LGR4: variants seen among roughly 807,000 people sequenced by gnomAD.
The protein encoded by LGR4 is leucine rich repeat containing G protein-coupled receptor 4.
A neutral mutation model predicts 84.8 loss-of-function variants in LGR4; 44 were observed. The ratio of observed to expected loss-of-function variants is 0.52; its 90% confidence interval spans 0.41 to 0.67. The LOEUF (loss-of-function observed/expected upper bound fraction) is 0.67. Ranked by LOEUF, LGR4 falls within the 30% of genes least tolerant of loss-of-function variation. The pLI, the probability that LGR4 is intolerant of heterozygous loss-of-function variation, is 0.00. For synonymous variants in LGR4, 429 were observed against 434.3 expected (o/e 0.99, Z 0.15); for missense variants, 1,032 against 1,131.4 (o/e 0.91, Z 1.26).
At chr11:27,381,380 C>T (rs1297720856) in intron 7 of LGR4, among the ~76,000 whole-genome samples, 1 of 152,194 alleles carries the variant, frequency 6.6e-6, no homozygotes. Context: ...TAACTCTACC[C>T]ATGACAAACC....
intron 5 of LGR4, 31 bp downstream of exon 5, chr11:27,385,222 A>G: frequency 7.1e-7 from 1 of 1,410,668 alleles, no homozygotes; most frequent in Non-Finnish European, 9.6e-7. Flanking sequence ...ATTAACACAA[A>G]TATATGGAAT....
In LGR4 at chr11:27,366,399, C is replaced by T. The variant is rs973246940; in HGVS notation, c.*1468G>A. 6.6e-6 allele frequency: 1 copy of T among 152,546 alleles called. No individual in the cohort carries two copies. The highest frequency in any genetic ancestry group is 1.5e-5 in the Non-Finnish European group (1 of 67,978). The allele number at this position is 152,546 out of a possible 1,614,324, so 9.4% of individuals were successfully genotyped here. ...GCAGCCACTATAGTTTAGGAGGTAG[C>T]TTTAATTAAACGAAATGAACAGAAG... On this transcript the variant is annotated 3_prime_UTR_variant, in exon 18 of 18. Transcript: ENST00000379214.
At chr11:27,404,706 C>G (rs1052792254) in intron 2 of LGR4, among the ~76,000 whole-genome samples, 18 of 152,270 alleles carry the variant, frequency 1.2e-4, no homozygotes, top group African/African-American at 4.3e-4. Flanking sequence ...TCTGGCCAAT[C>G]AGGATCCCCC....
At chr11:27,456,038 A>C (rs1479816576) in intron 1 of LGR4, among the ~76,000 whole-genome samples, 1 of 152,254 alleles carries the variant, frequency 6.6e-6, no homozygotes, top group African/African-American at 2.4e-5. Context: ...TCTGAATGGC[A>C]GGACAGACCA....
At chr11:27,370,813 A>G (rs2086887150) in intron 17 of LGR4, among the ~76,000 whole-genome samples, 1 of 152,192 alleles carries the variant, frequency 6.6e-6, no homozygotes, top group Non-Finnish European at 1.5e-5. Context: ...CAAGTAAGCA[A>G]GCTGCACCCC....
intron 1 of LGR4, among the ~76,000 whole-genome samples, chr11:27,429,156 C>A (rs918131695): frequency 6.6e-6 from 1 of 152,144 alleles, no homozygotes; most frequent in East Asian, 1.9e-4. Context: ...AAGAAAATGG[C>A]TGAGAAAAAC....
intron 10 of LGR4, among the ~76,000 whole-genome samples, 156 bp downstream of exon 10, chr11:27,380,115 C>T (rs1863061895): frequency 6.6e-6 from 1 of 152,162 alleles, no homozygotes; most frequent in Admixed American, 6.6e-5. Context: ...CTCACTGACC[C>T]CATACCCAAT....
At chr11:27,461,836 A>AT (rs35205372) in intron 1 of LGR4, among the ~76,000 whole-genome samples, 37,112 of 76,698 alleles carry the variant, frequency 0.48, 11,017 homozygotes, top group Non-Finnish European at 0.59. Flanking sequence ...TTGAGTTAGG[A>AT]TTTTTTTTTT....
chr11:27,439,140 A>G (rs970612906), intron 1 of LGR4, among the ~76,000 whole-genome samples: 1 of 152,146 alleles, frequency 6.6e-6, no homozygotes, highest in African/African-American at 2.4e-5. Flanking sequence ...GTTCAGTAGC[A>G]TCCATCACTA....
At chr11:27,460,454 C>A (rs73448056) in intron 1 of LGR4, among the ~76,000 whole-genome samples, 1 of 152,148 alleles carries the variant, frequency 6.6e-6, no homozygotes, top group Non-Finnish European at 1.5e-5. Flanking sequence ...CAGAGCAATA[C>A]CCAAATCCCC....
intron 1 of LGR4, among the ~76,000 whole-genome samples, chr11:27,414,516 AT>A (rs1863775526): frequency 6.6e-6 from 1 of 152,164 alleles, no homozygotes; most frequent in Non-Finnish European, 1.5e-5. Flanking sequence ...GATGAGTCTT[AT>A]GACCATAGAG....
chr11:27,446,479 A>G (rs1864392475), intron 1 of LGR4, among the ~76,000 whole-genome samples: 1 of 152,224 alleles, frequency 6.6e-6, no homozygotes, highest in Admixed American at 6.5e-5. Flanking sequence ...TCAAAACCAC[A>G]ATGAGATACC....
At chr11:27,442,841 A>G (rs954136133) in intron 1 of LGR4, among the ~76,000 whole-genome samples, 1 of 152,232 alleles carries the variant, frequency 6.6e-6, no homozygotes, top group African/African-American at 2.4e-5. Context: ...AAAATCTGGA[A>G]GGAAGAAGAC....
intron 1 of LGR4, among the ~76,000 whole-genome samples, chr11:27,442,366 C>T (rs1864317944): frequency 6.6e-6 from 1 of 152,166 alleles, no homozygotes; most frequent in Admixed American, 6.5e-5. Flanking sequence ...CAATATTAAA[C>T]ACCTTGTTCA....
rs1863109199 is a variant in LGR4 at position 27,382,219 on chromosome 11, C to A, written c.727G>T (p.Ala243Ser). The A allele has an allele frequency of 6.2e-7, 1 of 1,609,876 alleles. No homozygotes were observed. Among genetic ancestry groups the A allele is most frequent in the Non-Finnish European group, 8.5e-7 (1 of 1,176,600 alleles). The change falls in exon 7 of 18, where the codon GCT becomes TCT. Residue 243 changes from alanine (A) to serine (S), a missense_variant. Ala to Ser is a moderately conservative substitution (Grantham distance 99). Coordinates refer to ENST00000379214, the MANE Select transcript of LGR4 (RefSeq NM_018490.5). The part of the protein sequence containing the change: ...NYNNLGEFPQ[A>S]IKALPSLKEL... ...TTAAGGCTAGGAAGGGCTTTAATAG[C>A]CTGAGGAAATTCCCCCAAGTTATTA...
At chr11:27,419,416 A>C (rs1863882284) in intron 1 of LGR4, among the ~76,000 whole-genome samples, 1 of 151,864 alleles carries the variant, frequency 6.6e-6, no homozygotes, top group Admixed American at 6.6e-5. Context: ...GACAATACCA[A>C]GTACTGATAA....
intron 1 of LGR4, among the ~76,000 whole-genome samples, chr11:27,433,711 T>G (rs962551160): frequency 2.6e-5 from 4 of 152,256 alleles, no homozygotes; most frequent in African/African-American, 4.8e-5. Context: ...GCAAGTTCTT[T>G]GCACTAAGGA....
chr11:27,446,825 C>T (rs1243848581), intron 1 of LGR4, among the ~76,000 whole-genome samples: 1 of 152,038 alleles, frequency 6.6e-6, no homozygotes, highest in Non-Finnish European at 1.5e-5. Context: ...GAAAATGTGG[C>T]ACATATACAC....
rs1220372704 is a variant in LGR4, at chr11:27,452,866, T to C, written c.185+19252A>G. ...CTTGGTTTTAATCACTCAGCCTTAA[T>C]ACCGTTGAAAACTATCCATAGTCAT... On this transcript the variant is annotated intron_variant, in intron 1 of 17. Coordinates refer to ENST00000379214, the MANE Select transcript of LGR4 (RefSeq NM_018490.5). Among the ~76,000 whole-genome samples the C allele has an allele frequency of 2.0e-5, 3 of 151,630 alleles. No homozygotes were observed. In the East Asian group the frequency reaches 5.8e-4, roughly 29 times the overall value.
Sources: allele counts gnomAD v4.1 joint callset (sites outside exome capture counted in the v4.1 genomes callset), GRCh38; gene constraint gnomAD v4.1.1; transcripts MANE v1.5; gene names NCBI Gene and HGNC (gene_info 2026-07-23, HGNC 2026-07-21).